The following MED16 variants were observed in gnomAD, a reference collection of about 807,000 sequenced individuals.
MED16 encodes mediator complex subunit 16, also known as mediator of RNA polymerase II transcription subunit 16.
Under a neutral mutation model 84.4 loss-of-function variants are expected in MED16, and 81 were observed. The observed-to-expected ratio is 0.96, with a 90% confidence interval of 0.80 to 1.15. The LOEUF (loss-of-function observed/expected upper bound fraction) is 1.15. MED16 is among the 50% of genes most tolerant of loss of function. MED16 has a pLI of 0.00. For missense variants in MED16, 1,585 were observed against 1,245.9 expected, an observed-to-expected ratio of 1.27 and a Z score of -4.10; for synonymous variants, 897 against 552.2, an observed-to-expected ratio of 1.62 and a Z score of -8.76.
Position 873,580 on chromosome 19 carries a change from T to C in MED16, c.1774A>G (p.Ile592Val), listed in dbSNP as rs781113104. Reference protein sequence around the residue: ...EICTKITDVDIDKVMINLKTE... With the variant: ...EICTKITDVDVDKVMINLKTE... ...TTGAGGTTGATCATGACCTTGTCAATGTCTACAAGGAGACGTGGGTCGGGT... is the reference window on the plus strand; with the variant it reads ...TTGAGGTTGATCATGACCTTGTCAACGTCTACAAGGAGACGTGGGTCGGGT... The change falls in exon 11 of 16, where the codon ATT (isoleucine) becomes GTT (valine). Residue 592 changes from isoleucine (I) to valine (V), a missense_variant and splice_region_variant. Ile to Val is a conservative substitution (Grantham distance 29). Transcript: ENST00000325464. The C allele has an allele frequency of 4.5e-5, 72 of 1,612,190 alleles. No individual in the cohort carries two copies. Among genetic ancestry groups the C allele is most frequent in the Non-Finnish European group, 5.8e-5 (68 of 1,179,664 alleles).
At chr19:877,241 A>C in intron 8 of MED16, 61 bp from the exon 9 acceptor site, 1 of 1,520,256 alleles carries the variant, frequency 6.6e-7, no homozygotes, top group South Asian at 1.2e-5. Flanking sequence ...CAGCCGGGAG[A>C]GGAATGGGGC....
At chr19:872,699 C>G (rs900680235) in intron 11 of MED16, among the ~76,000 whole-genome samples, 2 of 151,504 alleles carry the variant, frequency 1.3e-5, no homozygotes, top group African/African-American at 4.9e-5. Context: ...GCGCACAAGC[C>G]GCAGAACTGA....
At chr19:887,130 T>G (rs1000770496) in intron 4 of MED16, among the ~76,000 whole-genome samples, 1 of 148,912 alleles carries the variant, frequency 6.7e-6, no homozygotes, top group African/African-American at 2.5e-5. Context: ...TGTGAAAAAA[T>G]GCGAGGAAGA....
At position 875,355 on chromosome 19, in the gene MED16, T is replaced by C. The variant is rs1349324749; in HGVS notation, c.1660A>G (p.Ile554Val). Residue 554 changes from isoleucine (I) to valine (V), a missense_variant, in exon 10 of 16, where the codon ATC becomes GTC. Ile to Val is a conservative substitution (Grantham distance 29, BLOSUM62 3). Transcript: ENST00000325464. ...GACTTCAGGGTGGAGCTGATGGCGATGAGGAAGAGCTTGGTGTGGTAGTCG... is the reference window on the plus strand; with the variant it reads ...GACTTCAGGGTGGAGCTGATGGCGACGAGGAAGAGCTTGGTGTGGTAGTCG... The part of the protein sequence containing the change: ...VCDYHTKLFL[I>V]AISSTLKSLL... The C allele has an allele frequency of 5.6e-6, 9 of 1,609,512 alleles. No homozygotes were observed. Among genetic ancestry groups the C allele is most frequent in the Non-Finnish European group, 5.9e-6 (7 of 1,179,500 alleles).
At chr19:871,740 A>G in intron 12 of MED16, 186 bp downstream of exon 12, 2 of 706,592 alleles carry the variant, frequency 2.8e-6, no homozygotes, top group Admixed American at 2.6e-5. Context: ...CTCAGGCAGG[A>G]CTTGTGTTTT....
At chr19:872,207 G>A (rs568065755) in intron 11 of MED16, 89 bp from the exon 12 acceptor site, 15 of 1,050,126 alleles carry the variant, frequency 1.4e-5, no homozygotes, top group Admixed American at 4.9e-5. Flanking sequence ...AACCCCGACC[G>A]GGGGGCAATG....
Position 885,827 on chromosome 19 carries a change from C to G in MED16, c.822G>C (p.Lys274Asn). ...FMRCTTDLNR[K>N]DKFPAITHLK... ...GGTGGGTGATGGCGGGAAACTTGTC[C>G]TTGCGGTTGAGGTCGGTGGTGCAGC... The change falls in exon 5 of 16, where the codon AAG becomes AAC. Residue 274 changes from lysine (K) to asparagine (N), a missense_variant. By Grantham distance (94) the Lys-to-Asn change is moderately conservative. Transcript: ENST00000325464. The G allele has an allele frequency of 6.2e-7, 1 of 1,613,564 alleles. No individual in the cohort carries two copies.
rs766839452 is a variant in MED16 at position 871,993 on chromosome 19, C to G, written c.2031G>C (p.Thr677=). The change falls in exon 12 of 16, where the codon ACG becomes ACC. Residue 677 remains threonine, a synonymous_variant. Transcript: ENST00000325464. ...TGCTGTCCTGGGTATCCGAGGTGGCCGTATACACGGGCAGGCAGCTGGGCT... is the reference window on the plus strand; with the variant it reads ...TGCTGTCCTGGGTATCCGAGGTGGCGGTATACACGGGCAGGCAGCTGGGCT... ...LLKPSCLPVY[T]ATSDTQDSMS... is the part of the protein sequence containing the mutation. 5 of 1,606,772 alleles carry G rather than the reference C, an allele frequency of 3.1e-6. No homozygotes were observed. Among genetic ancestry groups the G allele is most frequent in the South Asian group, 1.1e-5 (1 of 90,658 alleles).
In MED16 at chr19:883,314, C is replaced by T. The variant is rs895160340; in HGVS notation, c.985+1589G>A. Among the ~76,000 whole-genome samples the T allele has an allele frequency of 7.0e-5, 10 of 143,566 alleles. 1 individual carries two copies. The highest frequency in any genetic ancestry group is 7.6e-5 in the Non-Finnish European group (5 of 66,186). The allele number at this position is 143,566 out of a possible 152,430, so 94.2% of individuals were successfully genotyped here. A position where few individuals can be genotyped will look rare whatever the true frequency, so the allele number is the denominator to read the frequency against. On this transcript the variant is annotated intron_variant, in intron 6 of 15. Transcript: ENST00000325464. ...AGCCTGGCATGGTGGGCACGTGGGG[C>T]GGTGGGTGAAGAGCTGGGCATGGCG...
chr19:890,458 AT>A, intron 2 of MED16: 3 of 459,250 alleles, frequency 6.5e-6, no homozygotes, highest in Admixed American at 7.7e-5. Context: ...TTAAAACCAG[AT>A]TAGAAGAAAA....
chr19:875,918 C>A (rs2036219055), intron 9 of MED16, among the ~76,000 whole-genome samples: 1 of 152,110 alleles, frequency 6.6e-6, no homozygotes, highest in African/African-American at 2.4e-5. Context: ...AGTTGGAGAG[C>A]CTGTGCAACG....
In MED16 at chr19:884,926, ATGT is replaced by A. The variant is rs2036495412; in HGVS notation, c.959_961del (p.Asn320del). The A allele has an allele frequency of 2.5e-6, 4 of 1,609,328 alleles. No homozygotes were observed. Among genetic ancestry groups the A allele is most frequent in the Non-Finnish European group, 2.5e-6 (3 of 1,179,216 alleles). On this transcript the variant is annotated inframe_deletion, in exon 6 of 16. Transcript: ENST00000325464. ...ACCCACGGGGGAGATCTGCTGGAAG[ATGT>A]TGTTCACGGGGAGTCCCTCCTTGCG...
intron 7 of MED16, among the ~76,000 whole-genome samples, 194 bp downstream of exon 7, chr19:881,365 C>A (rs2036419828): frequency 2.0e-5 from 3 of 152,222 alleles, no homozygotes; most frequent in Admixed American, 2.0e-4. Flanking sequence ...CCTCACAGAT[C>A]CCGAAAGATG....
rs571543405 is a variant in MED16 at position 880,829 on chromosome 19, G to A, written c.1142-681C>T. 3.3e-5 allele frequency among the ~76,000 whole-genome samples: 5 copies of A among 151,768 alleles called. No homozygotes were observed. The South Asian group carries it at 6.3e-4, about 19-fold the overall frequency. ...CCAGCTACTCGGGAGGCTGAGGCAG[G>A]AAGGAGAATCGCTTGAACCCAGGAG... On this transcript the variant is annotated intron_variant, in intron 7 of 15. Transcript: ENST00000325464.
chr19:868,531 A>T, intron 14 of MED16, 32 bp from the exon 15 acceptor site: 1 of 1,603,768 alleles, frequency 6.2e-7, no homozygotes, highest in East Asian at 2.2e-5. Flanking sequence ...GCGGGTTCCC[A>T]CTTCCAGGCG....
chr19:872,979 AGGTGGGGGAGGGCTCCGAGGTG>A lies in MED16; in HGVS notation c.1905+448_1905+469del. On this transcript the variant is annotated intron_variant, in intron 11 of 15. Transcript: ENST00000325464. Reference sequence around the variant, plus strand: ...GGCTCCGAGGTGGGGCAGGGCTCCGAGGTGGGGGAGGGCTCCGAGGTGGGGGAGGGCTCCGAGGTGGGGCAGG... The same window carrying A: ...GGCTCCGAGGTGGGGCAGGGCTCCGAGGGGAGGGCTCCGAGGTGGGGCAGG... 3.6e-4 allele frequency: 66 copies of A among 185,068 alleles called. 13 individuals carry two copies. The highest frequency in any genetic ancestry group is 9.2e-4 in the Admixed American group (10 of 10,830). 11.5% of individuals were successfully genotyped at this position (185,068 alleles called of 1,614,324 possible).
Position 873,436 on chromosome 19 carries a change from G to C in MED16, c.1905+13C>G, listed in dbSNP as rs757630295. On this transcript the variant is annotated intron_variant, in intron 11 of 15. Transcript: ENST00000325464. ...AGGTGGGGGGCGGGGCCTTAGGGGA[G>C]AGCATGGCGCACCTGGTTGGGTAGG... 6.9e-6 allele frequency: 11 copies of C among 1,604,734 alleles called. No individual in the cohort carries two copies. Among genetic ancestry groups the C allele is most frequent in the Admixed American group, 6.7e-5 (4 of 59,924 alleles).
At chr19:868,648 A>G (rs976865129) in intron 14 of MED16, 149 bp from the exon 15 acceptor site, 196 of 1,197,618 alleles carry the variant, frequency 1.6e-4, no homozygotes, top group Non-Finnish European at 2.2e-4. Flanking sequence ...GCCTCTGCCC[A>G]TGCTTCTCCT....
At chr19:877,457 C>T (rs1033325848) in intron 8 of MED16, among the ~76,000 whole-genome samples, 1 of 152,074 alleles carries the variant, frequency 6.6e-6, no homozygotes, top group South Asian at 2.1e-4. Context: ...AGGAGTCTAC[C>T]CCGTGAAAGG....
Sources: allele counts gnomAD v4.1 joint callset (sites outside exome capture counted in the v4.1 genomes callset), GRCh38; gene constraint gnomAD v4.1.1; transcripts MANE v1.5; gene names NCBI Gene and HGNC (gene_info 2026-07-23, HGNC 2026-07-21).